Variants in CACNG8 observed in about 807,000 individuals in gnomAD.
CACNG8 encodes calcium voltage-gated channel auxiliary subunit gamma 8.
A neutral mutation model predicts 26.9 loss-of-function variants in CACNG8; 5 were observed. That is an observed-to-expected ratio of 0.19 (90% CI 0.10 to 0.39). The LOEUF (loss-of-function observed/expected upper bound fraction) is 0.39. Ranked by LOEUF, CACNG8 falls within the 10% of genes least tolerant of loss-of-function variation. The probability of loss-of-function intolerance (pLI) is 1.00; values close to 1 mark genes in which losing one functional copy is unlikely to be tolerated. For missense variants in CACNG8, 473 were observed against 609.4 expected (o/e 0.78, Z 2.36); for synonymous variants, 321 against 296.7 (o/e 1.08, Z -0.84).
In CACNG8 at chr19:53,980,120, G is replaced by C. The variant is rs570149654; in HGVS notation, c.508+113G>C. 1.5e-4 allele frequency: 182 copies of C among 1,219,022 alleles called. No homozygotes were observed. In the Middle Eastern group the frequency reaches 1.5e-3, roughly 10 times the overall value. 75.5% of individuals were successfully genotyped at this position (1,219,022 alleles called of 1,614,324 possible). ...CGCGTGAGTGCAAGTGCGCGTTCGT[G>C]TGTCTGCAAAGCCACCTTGCCCCGA... On this transcript the variant is annotated intron_variant, in intron 3 of 3. Coordinates refer to ENST00000270458, the MANE Select transcript of CACNG8 (RefSeq NM_031895.6).
chr19:53,982,388 CGCTCCCGCTCTA>C lies in CACNG8; in HGVS notation c.828_839del (p.Ser278_Ser281del), dbSNP rs1375764705. The stretch of plus-strand genomic sequence containing the variant: ...CAGTTACCGCTTCCGCTACCGCCGC[CGCTCCCGCTCTA>C]GCTCCCGCTCCAGCGAGCCGTCGCC... On this transcript the variant is annotated inframe_deletion, in exon 4 of 4. Coordinates refer to ENST00000270458, the MANE Select transcript of CACNG8 (RefSeq NM_031895.6). The surrounding 1 kb of genome is among the most constrained non-coding windows in gnomAD (Gnocchi z 8.4). 3 of 1,528,940 alleles carry C rather than the reference CGCTCCCGCTCTA, an allele frequency of 2.0e-6. No homozygotes were observed. The highest frequency in any genetic ancestry group is 2.6e-6 in the Non-Finnish European group (3 of 1,143,742). The allele number at this position is 1,528,940 out of a possible 1,614,324, so 94.7% of individuals were successfully genotyped here.
At chr19:53,964,661 C>T (rs997785053) in intron 1 of CACNG8, among the ~76,000 whole-genome samples, 8 of 152,110 alleles carry the variant, frequency 5.3e-5, no homozygotes, top group Non-Finnish European at 7.3e-5. Flanking sequence ...CCCTGGCTCT[C>T]GACTTCCCCA....
rs1276087519 is a variant in CACNG8 at position 53,987,756 on chromosome 19, T to C, written c.*4907T>C. ...TCTCTTTTGGATGTGTCAAGATAGATCTGCCTTCGAGAAATCCGAGTTGTG... is the reference window on the plus strand; with the variant it reads ...TCTCTTTTGGATGTGTCAAGATAGACCTGCCTTCGAGAAATCCGAGTTGTG... On this transcript the variant is annotated 3_prime_UTR_variant, in exon 4 of 4. Coordinates refer to ENST00000270458, the MANE Select transcript of CACNG8 (RefSeq NM_031895.6). 1.3e-5 allele frequency: 2 copies of C among 152,178 alleles called. No individual in the cohort carries two copies. Among genetic ancestry groups the C allele is most frequent in the Non-Finnish European group, 2.9e-5 (2 of 68,048 alleles). 9.4% of individuals were successfully genotyped at this position (152,178 alleles called of 1,614,324 possible).
intron 3 of CACNG8, among the ~76,000 whole-genome samples, chr19:53,981,658 T>C (rs2069369261): frequency 6.6e-6 from 1 of 152,010 alleles, no homozygotes; most frequent in Non-Finnish European, 1.5e-5. Flanking sequence ...CTGGACCACC[T>C]GGGGGTGGAA....
chr19:53,975,483 A>C (rs529699883), intron 1 of CACNG8, among the ~76,000 whole-genome samples: 1 of 151,782 alleles, frequency 6.6e-6, no homozygotes, highest in African/African-American at 2.4e-5. Context: ...AGATTCAAGC[A>C]ATTCACCTGC....
chr19:53,978,290 C>T, intron 2 of CACNG8, 61 bp downstream of exon 2: 2 of 1,384,500 alleles, frequency 1.4e-6, no homozygotes, highest in Middle Eastern at 1.8e-4. Flanking sequence ...TGGAAGGCGT[C>T]GGGGTGGGTG....
intron 1 of CACNG8, among the ~76,000 whole-genome samples, chr19:53,964,164 A>C: frequency 1.3e-5 from 2 of 148,418 alleles, no homozygotes; most frequent in Non-Finnish European, 1.5e-5. Context: ...CTGCCCCTTC[A>C]TTTCCTCTCC....
At chr19:53,974,615 G>A (rs934030243) in intron 1 of CACNG8, among the ~76,000 whole-genome samples, 35 of 143,114 alleles carry the variant, frequency 2.4e-4, no homozygotes, top group Admixed American at 2.3e-3. Context: ...TTCATAACAC[G>A]TGTTATTTTA....
rs35381014 is a variant in CACNG8 at position 53,985,937 on chromosome 19, CGAGA to C, written c.*3109_*3112del. On this transcript the variant is annotated 3_prime_UTR_variant, in exon 4 of 4. Transcript: ENST00000270458. The stretch of plus-strand genomic sequence containing the variant: ...TCTAGAGTCTGAAGGCCAAACAGAA[CGAGA>C]GAGAGAGAGAGAGAGAGAGAAAGAA... 38 of 146,516 alleles carry C rather than the reference CGAGA, an allele frequency of 2.6e-4. No homozygotes were observed. The highest frequency in any genetic ancestry group is 4.4e-4 in the South Asian group (2 of 4,558). The allele number at this position is 146,516 out of a possible 1,614,324, so 9.1% of individuals were successfully genotyped here.
In CACNG8 at chr19:53,982,962, C is replaced by A; in HGVS notation, c.*113C>A. 1 of 639,042 alleles carries A rather than the reference C, an allele frequency of 1.6e-6. No homozygotes were observed. Among genetic ancestry groups the A allele is most frequent in the Non-Finnish European group, 2.1e-6 (1 of 473,524 alleles). 39.6% of individuals were successfully genotyped at this position (639,042 alleles called of 1,614,324 possible). On this transcript the variant is annotated 3_prime_UTR_variant, in exon 4 of 4. Transcript: ENST00000270458. The surrounding 1 kb of genome is among the most constrained non-coding windows in gnomAD (Gnocchi z 8.4). ...CTTTCCCCCGTGAGCGCGCTGGAGACTGCTGGGCCCGCCCCACGCCCACCC... is the reference window on the plus strand; with the variant it reads ...CTTTCCCCCGTGAGCGCGCTGGAGAATGCTGGGCCCGCCCCACGCCCACCC...
chr19:53,981,361 G>A (rs1334177597), intron 3 of CACNG8, among the ~76,000 whole-genome samples: 1 of 149,404 alleles, frequency 6.7e-6, no homozygotes, highest in East Asian at 2.0e-4. Flanking sequence ...GCCTGGACTC[G>A]CTGGGAGTGG....
In CACNG8 at chr19:53,983,083, G is replaced by A. The variant is rs2069385177; in HGVS notation, c.*234G>A. 1 of 204,934 alleles carries A rather than the reference G, an allele frequency of 4.9e-6. No individual in the cohort carries two copies. Among genetic ancestry groups the A allele is most frequent in the Non-Finnish European group, 9.6e-6 (1 of 103,702 alleles). 12.7% of individuals were successfully genotyped at this position (204,934 alleles called of 1,614,324 possible). A position where few individuals can be genotyped will look rare whatever the true frequency, so the allele number is the denominator to read the frequency against. ...AGGGAGCGTCGTGTTTTATTTTTTT[G>A]GGGGATCTATGGGGAGGGGGGAGGG... On this transcript the variant is annotated 3_prime_UTR_variant, in exon 4 of 4. Transcript: ENST00000270458.
Position 53,982,902 on chromosome 19 carries a change from G to A in CACNG8, c.*53G>A, listed in dbSNP as rs1397983891. ...GTCCGGGGCGCGTGCGCGGGCGCGCGTGCATCGAGGCTGCCGGGGTCGGGG... is the reference window on the plus strand; with the variant it reads ...GTCCGGGGCGCGTGCGCGGGCGCGCATGCATCGAGGCTGCCGGGGTCGGGG... On this transcript the variant is annotated 3_prime_UTR_variant, in exon 4 of 4. Transcript: ENST00000270458. This position sits in a 1 kb window ranked among gnomAD's most constrained non-coding sequence, Gnocchi z 8.4. The A allele has an allele frequency of 3.9e-5, 46 of 1,173,386 alleles. 1 individual carries two copies. The Admixed American group carries it at 1.9e-3, about 49-fold the overall frequency. The allele number at this position is 1,173,386 out of a possible 1,614,324, so 72.7% of individuals were successfully genotyped here.
chr19:53,965,291 A>T (rs903507381), intron 1 of CACNG8, among the ~76,000 whole-genome samples: 1 of 152,142 alleles, frequency 6.6e-6, no homozygotes, highest in South Asian at 2.1e-4. Context: ...CTGGCGGAAG[A>T]TCTAGCACAA....
rs139645831 is a variant in CACNG8, at chr19:53,971,706, G to A, written c.284-6440G>A. Reference sequence around the variant, plus strand: ...CTGCTTATTATCTCATTAAGCCCTCGCCACTTTGCCAGGGGAATGTATTAT... The same window carrying A: ...CTGCTTATTATCTCATTAAGCCCTCACCACTTTGCCAGGGGAATGTATTAT... On this transcript the variant is annotated intron_variant, in intron 1 of 3. Transcript: ENST00000270458. Among the ~76,000 whole-genome samples the A allele has an allele frequency of 4.9e-3, 749 of 152,270 alleles. 12 individuals are homozygous for A. The highest frequency in any genetic ancestry group is 0.044 in the Admixed American group (677 of 15,282).
chr19:53,963,376 C>A lies in CACNG8; in HGVS notation c.234C>A (p.Asp78Glu), dbSNP rs774258878. The A allele has an allele frequency of 6.3e-7, 1 of 1,584,706 alleles. No homozygotes were observed. Among genetic ancestry groups the A allele is most frequent in the African/African-American group, 1.4e-5 (1 of 73,172 alleles). The change falls in exon 1 of 4, where the codon GAC becomes GAA. Residue 78 changes from aspartate to glutamate, a missense_variant. Physicochemically the swap from Asp to Glu is conservative, Grantham distance 45. This residue lies in a region of CACNG8 where 69 missense variants were observed against 66.7 expected (regional missense o/e 1.03). Coordinates refer to ENST00000270458, the MANE Select transcript of CACNG8 (RefSeq NM_031895.6). ...GCGGCGGCGCCTCGGAGAAGAAGGA[C>A]CCCGGCGGCCTCACGCACTCGGGCC...
chr19:53,974,239 A>C (rs1453644442), intron 1 of CACNG8, among the ~76,000 whole-genome samples: 8 of 152,208 alleles, frequency 5.3e-5, no homozygotes, highest in African/African-American at 1.9e-4. Context: ...TATTTCACTG[A>C]GTATAATGTC....
At chr19:53,966,775 T>A (rs564208147) in intron 1 of CACNG8, among the ~76,000 whole-genome samples, 1 of 152,064 alleles carries the variant, frequency 6.6e-6, no homozygotes, top group South Asian at 2.1e-4. Context: ...AGCAGAGGAG[T>A]CACACGAGCT....
intron 1 of CACNG8, among the ~76,000 whole-genome samples, chr19:53,976,820 C>T (rs1199551030): frequency 2.0e-5 from 3 of 152,016 alleles, no homozygotes; most frequent in Non-Finnish European, 4.4e-5. Context: ...TTACAGGCAC[C>T]CGCCACCATG....
Sources: gnomAD v4.1 joint callset for allele counts (sites outside exome capture counted in the v4.1 genomes callset) on GRCh38, gnomAD v4.1.1 for gene constraint, gnomAD v4.1.1 regional missense constraint, Gnocchi (gnomAD v3.1) non-coding constraint, MANE v1.5 for transcripts, NCBI Gene and HGNC (gene_info 2026-07-23, HGNC 2026-07-21) for gene names.